Variants in VCAN observed in about 807,000 individuals in gnomAD.
The protein encoded by VCAN is versican.
A neutral mutation model predicts 245.5 loss-of-function variants in VCAN; 44 were observed. The ratio of observed to expected loss-of-function variants is 0.18; its 90% confidence interval spans 0.14 to 0.23. The LOEUF is 0.23. Among genes scored for constraint, VCAN ranks in the 10% least tolerant of loss-of-function variants. The probability of loss-of-function intolerance (pLI) is 1.00; values close to 1 mark genes in which losing one functional copy is unlikely to be tolerated. For synonymous variants in VCAN, 1,413 were observed against 1,437.0 expected (o/e 0.98, Z 0.38); for missense variants, 3,793 against 4,057.9 (o/e 0.93, Z 1.77).
At chr5:83,472,549 C>T (rs1256091790) in intron 1 of VCAN, among the ~76,000 whole-genome samples, 1 of 152,174 alleles carries the variant, frequency 6.6e-6, no homozygotes, top group Non-Finnish European at 1.5e-5. Context: ...AAAGCCACTC[C>T]CGGGCAGCTC....
intron 7 of VCAN, among the ~76,000 whole-genome samples, chr5:83,527,354 G>A (rs989112691): frequency 2.6e-5 from 4 of 152,188 alleles, no homozygotes; most frequent in Admixed American, 6.5e-5. Flanking sequence ...GCACACCTCC[G>A]TGGTTCCTTT....
chr5:83,550,661 C>T (rs968454627), intron 10 of VCAN, among the ~76,000 whole-genome samples: 10 of 151,830 alleles, frequency 6.6e-5, no homozygotes, highest in Non-Finnish European at 1.2e-4. Context: ...TCAAGGCGGG[C>T]GGATCACCTG....
intron 7 of VCAN, among the ~76,000 whole-genome samples, chr5:83,523,949 A>G (rs1478586860): frequency 2.0e-5 from 3 of 152,128 alleles, no homozygotes; most frequent in African/African-American, 7.2e-5. Context: ...GACTACCAAC[A>G]CTTAGTTTCA....
chr5:83,579,426 G>T (rs1403320945), intron 13 of VCAN, among the ~76,000 whole-genome samples: 2 of 152,100 alleles, frequency 1.3e-5, no homozygotes, highest in African/African-American at 4.8e-5. Flanking sequence ...ACCATGCCTG[G>T]CTAATTTTTT....
rs1331720187 is a variant in VCAN, at chr5:83,541,806, A to G, written c.8803A>G (p.Lys2935Glu). Residue 2935 changes from lysine (K) to glutamate (E), a missense_variant, in exon 8 of 15, where the codon AAA (lysine) becomes GAA (glutamate). By Grantham distance (56) the Lys-to-Glu change is moderately conservative (BLOSUM62 1). This residue lies in a region of VCAN where 3,182 missense variants were observed against 3,250.3 expected (regional missense o/e 0.98). Transcript: ENST00000265077. ...GTEILQDFQN[K>E]TDGQVSGEAI... The stretch of plus-strand genomic sequence containing the variant: ...TGAGATTCTCCAAGATTTCCAAAAC[A>G]AAACCGATGGTCAAGTTTCTGGAGA... 2 of 1,614,120 alleles carry G rather than the reference A, an allele frequency of 1.2e-6. No homozygotes were observed. Among genetic ancestry groups the G allele is most frequent in the South Asian group, 2.2e-5 (2 of 91,078 alleles).
At chr5:83,474,873 T>G (rs1744330941) in intron 1 of VCAN, among the ~76,000 whole-genome samples, 1 of 152,240 alleles carries the variant, frequency 6.6e-6, no homozygotes, top group Admixed American at 6.5e-5. Flanking sequence ...TATTTTATTT[T>G]TGCTTGCTTC....
At chr5:83,474,953 A>G (rs1434956859) in intron 1 of VCAN, among the ~76,000 whole-genome samples, 1 of 152,194 alleles carries the variant, frequency 6.6e-6, no homozygotes, top group Non-Finnish European at 1.5e-5. Flanking sequence ...TACTCCAAGC[A>G]AACTTTTTGT....
chr5:83,560,039 T>G (rs1580068005), intron 12 of VCAN, among the ~76,000 whole-genome samples: 1 of 151,408 alleles, frequency 6.6e-6, no homozygotes, highest in Non-Finnish European at 1.5e-5. Context: ...AAAATAGAAG[T>G]ATATAGTTGA....
intron 12 of VCAN, among the ~76,000 whole-genome samples, chr5:83,564,721 G>A (rs1282684746): frequency 6.6e-6 from 1 of 150,438 alleles, no homozygotes; most frequent in Non-Finnish European, 1.5e-5. Flanking sequence ...AGCAATGTTT[G>A]GAGGAAAACA....
rs1744206588 is a variant in VCAN, at chr5:83,471,970, C to T, written c.-60C>T. The T allele has an allele frequency of 2.6e-6, 1 of 389,076 alleles. No individual in the cohort carries two copies. The highest frequency in any genetic ancestry group is 1.4e-4 in the South Asian group (1 of 6,934). The allele number at this position is 389,076 out of a possible 1,614,324, so 24.1% of individuals were successfully genotyped here. A position where few individuals can be genotyped will look rare whatever the true frequency, so the allele number is the denominator to read the frequency against. On this transcript the variant is annotated 5_prime_UTR_variant, in exon 1 of 15. Transcript: ENST00000265077. ...CCGCCTGGGCAACGCCGAACCCAGT[C>T]GCGCAGCGCTGCAGTGAATTTTCCC...
Position 83,522,014 on chromosome 5 carries a change from C to T in VCAN, c.3708C>T (p.Ile1236=), listed in dbSNP as rs367818886. The T allele has an allele frequency of 6.8e-5, 109 of 1,614,058 alleles. No homozygotes were observed. Among genetic ancestry groups the T allele is most frequent in the Non-Finnish European group, 8.1e-5 (96 of 1,180,044 alleles). Residue 1236 remains isoleucine, a synonymous_variant, in exon 7 of 15, where the codon ATC becomes ATT. Coordinates refer to ENST00000265077, the MANE Select transcript of VCAN (RefSeq NM_004385.5). ...SSAITKKPPL[I]DREPGEETTS... Reference sequence around the variant, plus strand: ...CGATCACTAAGAAACCACCTCTCATCGACAGGGAACCTGGTGAAGAAACAA... The same window carrying T: ...CGATCACTAAGAAACCACCTCTCATTGACAGGGAACCTGGTGAAGAAACAA...
In VCAN at chr5:83,521,873, A is replaced by T. The variant is rs759723065; in HGVS notation, c.3567A>T (p.Lys1189Asn). ...DLGSGLFEKP[K>N]ATELIEFSTI... ...GCTCAGGATTATTTGAAAAGCCCAA[A>T]GCCACAGAACTCATAGAATTTTCAA... Residue 1189 changes from lysine (K) to asparagine (N), a missense_variant, in exon 7 of 15, where the codon AAA (lysine) becomes AAT (asparagine). Lys to Asn is a moderately conservative substitution (Grantham distance 94, BLOSUM62 0). Around this residue, in one of 5 missense-constraint regions of VCAN, gnomAD observed 3,182 missense variants for 3,250.3 expected, o/e 0.98. Coordinates refer to ENST00000265077, the MANE Select transcript of VCAN (RefSeq NM_004385.5). The T allele has an allele frequency of 1.2e-6, 2 of 1,614,216 alleles. No individual in the cohort carries two copies. Among genetic ancestry groups the T allele is most frequent in the South Asian group, 1.1e-5 (1 of 91,088 alleles).
At chr5:83,548,447 A>G (rs1561263540) in intron 10 of VCAN, among the ~76,000 whole-genome samples, 1 of 152,184 alleles carries the variant, frequency 6.6e-6, no homozygotes, top group Non-Finnish European at 1.5e-5. Context: ...CTTGAGACTC[A>G]ATGGACTTAT....
intron 1 of VCAN, among the ~76,000 whole-genome samples, chr5:83,479,332 A>T (rs1419468054): frequency 6.6e-6 from 1 of 151,974 alleles, no homozygotes; most frequent in African/African-American, 2.4e-5. Flanking sequence ...TATTTAATAG[A>T]ATCTTGGCTT....
At chr5:83,564,887 G>A in intron 12 of VCAN, among the ~76,000 whole-genome samples, 1 of 151,994 alleles carries the variant, frequency 6.6e-6, no homozygotes, top group Admixed American at 6.6e-5. Flanking sequence ...GATGTGCTTG[G>A]CAAAATTCAT....
At position 83,519,471 on chromosome 5, in the gene VCAN, C is replaced by T. The variant is rs745674556; in HGVS notation, c.1165C>T (p.Pro389Ser). Residue 389 changes from proline (P) to serine (S), a missense_variant, in exon 7 of 15, where the codon CCT becomes TCT. Physicochemically the swap from Pro to Ser is moderately conservative, Grantham distance 74 (BLOSUM62 -1). This residue lies in a region of VCAN where 3,182 missense variants were observed against 3,250.3 expected (regional missense o/e 0.98). Transcript: ENST00000265077. ...TPIIPLVDEL[P>S]VIPTEFPPVG... The stretch of plus-strand genomic sequence containing the variant: ...AATCATCCCTTTAGTTGATGAATTA[C>T]CTGTCATTCCAACAGAGTTCCCTCC... 14 of 1,614,036 alleles carry T rather than the reference C, an allele frequency of 8.7e-6. No homozygotes were observed. Among genetic ancestry groups the T allele is most frequent in the African/African-American group, 1.3e-5 (1 of 74,932 alleles).
At chr5:83,498,744 T>G (rs1025948606) in intron 5 of VCAN, among the ~76,000 whole-genome samples, 1 of 152,224 alleles carries the variant, frequency 6.6e-6, no homozygotes, top group Non-Finnish European at 1.5e-5. Context: ...ATTTCTAGTT[T>G]GTGAATCACT....
chr5:83,519,863 A>T lies in VCAN; in HGVS notation c.1557A>T (p.Pro519=). 6.2e-7 allele frequency: 1 copy of T among 1,614,140 alleles called. No homozygotes were observed. Among genetic ancestry groups the T allele is most frequent in the African/African-American group, 1.3e-5 (1 of 75,056 alleles). ...AGGAATTCCCTGTAACTGAAACACC[A>T]TTGGTAACTGCAAGAATGATCCTGG... ...PSKEFPVTET[P]LVTARMILES... Residue 519 remains proline (P), a synonymous_variant, in exon 7 of 15, where the codon CCA becomes CCT. Transcript: ENST00000265077.
intron 5 of VCAN, among the ~76,000 whole-genome samples, chr5:83,498,259 G>GA (rs1745221166): frequency 6.6e-6 from 1 of 152,086 alleles, no homozygotes; most frequent in African/African-American, 2.4e-5. Flanking sequence ...TTGAATGTAT[G>GA]ACTATAATTA....
Sources: allele counts gnomAD v4.1 joint callset (sites outside exome capture counted in the v4.1 genomes callset), GRCh38; gene constraint gnomAD v4.1.1; regional missense constraint gnomAD v4.1.1; transcripts MANE v1.5; gene names NCBI Gene and HGNC (gene_info 2026-07-23, HGNC 2026-07-21).